Variants in SRSF11 observed in about 807,000 individuals in gnomAD.
The protein encoded by SRSF11 is serine/arginine-rich splicing factor 11.
Under a neutral mutation model 56.0 loss-of-function variants are expected in SRSF11, and 9 were observed. The ratio of observed to expected loss-of-function variants is 0.16; its 90% CI spans 0.10 to 0.28. SRSF11 has a LOEUF of 0.28. Ranked by LOEUF, SRSF11 falls within the 10% of genes least tolerant of loss-of-function variation. The pLI, the probability that SRSF11 is intolerant of heterozygous loss-of-function variation, is 1.00. For missense variants in SRSF11, 421 were observed against 600.7 expected (o/e 0.70, Z 3.13); for synonymous variants, 222 against 215.3 (o/e 1.03, Z -0.27).
Position 70,237,630 on chromosome 1 carries a change from T to TGACA in SRSF11, c.718+79_718+82dup, listed in dbSNP as rs1169065268. The TGACA allele has an allele frequency of 2.5e-6, 4 of 1,569,642 alleles. No individual in the cohort carries two copies. The African/African-American group carries it at 5.5e-5, about 21-fold the overall frequency. ...GACATAAATGTGGAATTGTGTTGAG[T>TGACA]GACACCCTAGTCGTTTAAAATGTTG... On this transcript the variant is annotated intron_variant, in intron 6 of 11. Coordinates refer to ENST00000370949, the MANE Select transcript of SRSF11 (RefSeq NM_001350605.2).
chr1:70,209,920 C>T (rs1281729290), intron 1 of SRSF11, among the ~76,000 whole-genome samples: 2 of 151,616 alleles, frequency 1.3e-5, no homozygotes, highest in Non-Finnish European at 2.9e-5. Context: ...CTTTTCTTTT[C>T]AGTGAAGACA....
At chr1:70,211,220 A>G (rs1669536344) in intron 1 of SRSF11, among the ~76,000 whole-genome samples, 1 of 151,768 alleles carries the variant, frequency 6.6e-6, no homozygotes. Context: ...AAGTAAAGTT[A>G]GGGCACCAAA....
At chr1:70,206,474 A>T (rs991756652) in intron 1 of SRSF11, among the ~76,000 whole-genome samples, 9 of 152,176 alleles carry the variant, frequency 5.9e-5, no homozygotes, top group Admixed American at 5.9e-4. Flanking sequence ...ATTTTGTTCA[A>T]TGTAAGTCGG....
At chr1:70,247,232 T>TTACTTA in intron 9 of SRSF11, 1 of 450,912 alleles carries the variant, frequency 2.2e-6, no homozygotes, top group South Asian at 9.6e-5. Context: ...TATAGTAAGC[T>TTACTTA]ATATTTATCA....
upstream of SRSF11, among the ~76,000 whole-genome samples, chr1:70,219,684 T>C (rs548337456): frequency 7.9e-5 from 12 of 152,338 alleles, no homozygotes; most frequent in Admixed American, 3.9e-4. Flanking sequence ...TATATGCTTT[T>C]CTTTAAAATT....
chr1:70,231,737 T>C, intron 2 of SRSF11: 1 of 1,232,736 alleles, frequency 8.1e-7, no homozygotes, highest in Non-Finnish European at 1.0e-6. Context: ...TTTCTTCTCT[T>C]AATTTTTACA....
upstream of SRSF11, among the ~76,000 whole-genome samples, chr1:70,217,091 C>A (rs1329126304): frequency 6.6e-6 from 1 of 152,148 alleles, no homozygotes; most frequent in African/African-American, 2.4e-5. Context: ...TGTCCTATTT[C>A]ATTTCATCAC....
chr1:70,231,778 A>T, intron 2 of SRSF11: 1 of 1,296,608 alleles, frequency 7.7e-7, no homozygotes, highest in Non-Finnish European at 1.0e-6. Flanking sequence ...AAAGAAAATC[A>T]TAGTAACTGT....
intron 2 of SRSF11, chr1:70,231,353 TG>T (rs1460302491): frequency 9.4e-7 from 1 of 1,062,870 alleles, no homozygotes; most frequent in Admixed American, 5.0e-5. Context: ...GGGCTTTTGC[TG>T]TTGGATAGAA....
chr1:70,251,795 A>G lies in SRSF11; in HGVS notation c.*990A>G, dbSNP rs1352981952. 1 of 152,572 alleles carries G rather than the reference A, an allele frequency of 6.6e-6. No individual in the cohort carries two copies. Among genetic ancestry groups the G allele is most frequent in the Non-Finnish European group, 1.5e-5 (1 of 67,986 alleles). The allele number at this position is 152,572 out of a possible 1,614,324, so 9.5% of individuals were successfully genotyped here. A position where few individuals can be genotyped will look rare whatever the true frequency, so the allele number is the denominator to read the frequency against. On this transcript the variant is annotated 3_prime_UTR_variant, in exon 12 of 12. Transcript: ENST00000370949. Reference sequence around the variant, plus strand: ...TTTGATCTCAAGTTGTATAAAACCAATAAATTTGTGTTACTGCAGTAGTAA... The same window carrying G: ...TTTGATCTCAAGTTGTATAAAACCAGTAAATTTGTGTTACTGCAGTAGTAA...
intron 1 of SRSF11, among the ~76,000 whole-genome samples, chr1:70,206,738 C>G (rs906906593): frequency 6.6e-6 from 1 of 152,084 alleles, no homozygotes; most frequent in Non-Finnish European, 1.5e-5. Flanking sequence ...CGCACTTTTA[C>G]CTGAGTCCAG....
chr1:70,231,193 C>T (rs920046811), intron 2 of SRSF11: 96 of 1,272,840 alleles, frequency 7.5e-5, no homozygotes, highest in Non-Finnish European at 9.0e-5. Flanking sequence ...CTTAAGTGCC[C>T]TGTACATATT....
At chr1:70,247,333 T>TA (rs964584644) in intron 9 of SRSF11, among the ~76,000 whole-genome samples, 1 of 152,154 alleles carries the variant, frequency 6.6e-6, no homozygotes, top group African/African-American at 2.4e-5. Flanking sequence ...GTGTCATTCT[T>TA]AGACTAATTC....
Position 70,249,991 on chromosome 1 carries a change from T to C in SRSF11, c.1062T>C (p.Ser354=). Reference sequence around the variant, plus strand: ...GAAGAAGCAGGAGTGGCACAAGATCTCCTAAAAAGCCTCGGTCTCCTAAAA... The same window carrying C: ...GAAGAAGCAGGAGTGGCACAAGATCCCCTAAAAAGCCTCGGTCTCCTAAAA... ...RRRRSRSGTR[S]PKKPRSPKRK... Residue 354 remains serine, a synonymous_variant, in exon 10 of 12, where the codon TCT becomes TCC. Transcript: ENST00000370949. 1 of 1,614,120 alleles carries C rather than the reference T, an allele frequency of 6.2e-7. No individual in the cohort carries two copies. Among genetic ancestry groups the C allele is most frequent in the African/African-American group, 1.3e-5 (1 of 75,044 alleles).
intron 1 of SRSF11, among the ~76,000 whole-genome samples, chr1:70,208,801 T>C (rs1279761916): frequency 6.6e-6 from 1 of 152,266 alleles, no homozygotes; most frequent in African/African-American, 2.4e-5. Flanking sequence ...TATATACTTA[T>C]GTGAGAATTA....
At chr1:70,219,101 T>A (rs928444201), upstream of SRSF11, among the ~76,000 whole-genome samples, 2 of 152,230 alleles carry the variant, frequency 1.3e-5, no homozygotes, top group Admixed American at 6.5e-5. Context: ...TTTCAGATTT[T>A]AAATGTTAGG....
intron 1 of SRSF11, among the ~76,000 whole-genome samples, chr1:70,211,580 G>A (rs950036456): frequency 4.6e-5 from 7 of 152,072 alleles, no homozygotes; most frequent in Admixed American, 3.9e-4. Context: ...TTGATACTTA[G>A]ATTTCTAGGC....
intron 1 of SRSF11, among the ~76,000 whole-genome samples, chr1:70,209,668 C>T (rs779974708): frequency 6.8e-6 from 1 of 147,700 alleles, no homozygotes; most frequent in Non-Finnish European, 1.5e-5. Flanking sequence ...TCACTGCAGC[C>T]TTGACCTCCC....
intron 1 of SRSF11, 49 bp from the exon 2 acceptor site, chr1:70,228,368 ATTTGT>A (rs1672270294): frequency 4.3e-6 from 6 of 1,381,646 alleles, no homozygotes; most frequent in African/African-American, 1.4e-5. Context: ...GTGAATTAGC[ATTTGT>A]TTTAACTGCT....
Sources: allele counts gnomAD v4.1 joint callset (sites outside exome capture counted in the v4.1 genomes callset), GRCh38; gene constraint gnomAD v4.1.1; transcripts MANE v1.5; gene names NCBI Gene and HGNC (gene_info 2026-07-23, HGNC 2026-07-21).